SMARCC1: variants seen among roughly 807,000 people sequenced by gnomAD.
The protein encoded by SMARCC1 is SWI/SNF related BAF chromatin remodeling complex subunit C1, also known as SWI/SNF complex subunit SMARCC1.
A neutral mutation model predicts 147.4 loss-of-function variants in SMARCC1; 43 were observed. The ratio of observed to expected loss-of-function variants is 0.29; its 90% CI spans 0.23 to 0.38. SMARCC1 has a LOEUF of 0.38. Among genes scored for constraint, SMARCC1 ranks in the 10% least tolerant of loss-of-function variants. The pLI is 1.00. For synonymous variants in SMARCC1, 495 were observed against 484.4 expected (o/e 1.02, Z -0.29); for missense variants, 1,119 against 1,381.1 (o/e 0.81, Z 3.01).
At chr3:47,719,774 C>T (rs1027283214) in intron 7 of SMARCC1, among the ~76,000 whole-genome samples, 1 of 152,150 alleles carries the variant, frequency 6.6e-6, no homozygotes, top group Non-Finnish European at 1.5e-5. Flanking sequence ...GAGACTCTGT[C>T]ACCAAGGATG....
intron 14 of SMARCC1, among the ~76,000 whole-genome samples, chr3:47,682,383 A>G (rs2033664433): frequency 6.6e-6 from 1 of 152,044 alleles, no homozygotes; most frequent in South Asian, 2.1e-4. Flanking sequence ...AGCTCAGGCA[A>G]TCTTTCTGCC....
intron 9 of SMARCC1, among the ~76,000 whole-genome samples, chr3:47,707,326 A>AT (rs1559650301): frequency 6.6e-6 from 1 of 152,010 alleles, no homozygotes; most frequent in Non-Finnish European, 1.5e-5. Context: ...AAGGAAAAAA[A>AT]AAAAAAGTCA....
In SMARCC1 at chr3:47,626,831, T is replaced by G. The variant is rs375580165; in HGVS notation, c.2647-4490A>C. On this transcript the variant is annotated intron_variant, in intron 24 of 27. Coordinates refer to ENST00000254480, the MANE Select transcript of SMARCC1 (RefSeq NM_003074.4). Reference sequence around the variant, plus strand: ...TCTCTCTGGGAGTCTCAAGTTGCCATGTACAAAGTATGATCACCCTGCTGG... The same window carrying G: ...TCTCTCTGGGAGTCTCAAGTTGCCAGGTACAAAGTATGATCACCCTGCTGG... 7.2e-4 allele frequency among the ~76,000 whole-genome samples: 109 copies of G among 152,244 alleles called. 1 individual carries two copies. The highest frequency in any genetic ancestry group is 2.5e-3 in the African/African-American group (105 of 41,552).
intron 25 of SMARCC1, among the ~76,000 whole-genome samples, chr3:47,621,500 C>G (rs2032731159): frequency 6.6e-6 from 1 of 151,878 alleles, no homozygotes; most frequent in Non-Finnish European, 1.5e-5. Flanking sequence ...AAATTATGTC[C>G]CTTGCACCAC....
intron 3 of SMARCC1, among the ~76,000 whole-genome samples, chr3:47,745,243 C>T (rs751070988): frequency 3.3e-5 from 5 of 151,922 alleles, no homozygotes; most frequent in Admixed American, 1.3e-4. Context: ...GGCGAAAAAG[C>T]GCAACTAAGT....
chr3:47,706,412 T>C lies in SMARCC1; in HGVS notation c.1037A>G (p.Lys346Arg). The change falls in exon 10 of 28, where the codon AAA (lysine) becomes AGA (arginine). Residue 346 changes from lysine to arginine, a missense_variant. Lys to Arg is a conservative substitution (Grantham distance 26). This residue lies in a region of SMARCC1 where 542 missense variants were observed against 611.8 expected (regional missense o/e 0.89). Coordinates refer to ENST00000254480, the MANE Select transcript of SMARCC1 (RefSeq NM_003074.4). ...TGAATCATGTAATAGTTCTTACCCTTTCTTCCCACTCTTCTTCCGTGATTC... is the reference window on the plus strand; with the variant it reads ...TGAATCATGTAATAGTTCTTACCCTCTCTTCCCACTCTTCTTCCGTGATTC... ...PTESRKKSGK[K>R]GQASLYGKRR... The C allele has an allele frequency of 1.3e-6, 2 of 1,566,072 alleles. No homozygotes were observed. Among genetic ancestry groups the C allele is most frequent in the Non-Finnish European group, 1.7e-6 (2 of 1,161,344 alleles).
chr3:47,776,727 A>G (rs920617679), intron 1 of SMARCC1, among the ~76,000 whole-genome samples: 2 of 152,138 alleles, frequency 1.3e-5, no homozygotes, highest in Non-Finnish European at 2.9e-5. Context: ...AGGTAAATAT[A>G]CATATATATG....
chr3:47,665,763 TATA>T (rs1183561279), intron 19 of SMARCC1, among the ~76,000 whole-genome samples: 2 of 152,146 alleles, frequency 1.3e-5, no homozygotes, highest in East Asian at 3.8e-4. Flanking sequence ...GTAAGTATCT[TATA>T]ATGCTACAAA....
intron 19 of SMARCC1, among the ~76,000 whole-genome samples, chr3:47,667,190 C>A (rs924246699): frequency 2.6e-5 from 4 of 151,988 alleles, no homozygotes; most frequent in Admixed American, 2.0e-4. Flanking sequence ...TGGTGGCAGG[C>A]ACCTGTAGTC....
intron 26 of SMARCC1, among the ~76,000 whole-genome samples, chr3:47,596,695 T>G (rs2032288527): frequency 6.6e-6 from 1 of 151,964 alleles, no homozygotes; most frequent in African/African-American, 2.4e-5. Context: ...CCTGTGTAGC[T>G]GGGGTTACAG....
At chr3:47,764,282 T>C (rs2034809488) in intron 2 of SMARCC1, among the ~76,000 whole-genome samples, 1 of 152,158 alleles carries the variant, frequency 6.6e-6, no homozygotes, top group African/African-American at 2.4e-5. Context: ...GTGACCCTCC[T>C]ACTTCAGTCT....
chr3:47,740,850 C>CAAAAAAAA (rs60339024), intron 3 of SMARCC1, among the ~76,000 whole-genome samples: 4 of 77,846 alleles, frequency 5.1e-5, no homozygotes, highest in African/African-American at 1.2e-4. Flanking sequence ...GACTCTGACT[C>CAAAAAAAA]AAAAAAAAAA....
chr3:47,620,161 CATTACAAAA>C (rs1326919553), intron 25 of SMARCC1, among the ~76,000 whole-genome samples: 2 of 152,126 alleles, frequency 1.3e-5, no homozygotes, highest in African/African-American at 4.8e-5. Context: ...CTAGTCAACT[CATTACAAAA>C]ATTTATTTTT....
At chr3:47,590,940 G>C (rs754241448) in intron 26 of SMARCC1, 103 bp from the exon 27 acceptor site, 7 of 966,696 alleles carry the variant, frequency 7.2e-6, no homozygotes, top group African/African-American at 3.4e-5. Flanking sequence ...ACCTTCCAAA[G>C]GATCTGAAAT....
At chr3:47,717,260 A>G (rs923273694) in intron 7 of SMARCC1, among the ~76,000 whole-genome samples, 1 of 152,192 alleles carries the variant, frequency 6.6e-6, no homozygotes, top group African/African-American at 2.4e-5. Context: ...CTAACCTTAG[A>G]TCCGGCTACC....
rs571792127 is a variant in SMARCC1, at chr3:47,729,161, A to G, written c.577-67T>C. 6.9e-5 allele frequency: 65 copies of G among 940,330 alleles called. No homozygotes were observed. The South Asian group carries it at 9.8e-4, about 14-fold the overall frequency. 58.2% of individuals were successfully genotyped at this position (940,330 alleles called of 1,614,324 possible). On this transcript the variant is annotated intron_variant, in intron 5 of 27. Coordinates refer to ENST00000254480, the MANE Select transcript of SMARCC1 (RefSeq NM_003074.4). Reference sequence around the variant, plus strand: ...GGCAATGAACTATGAGATTCCAGATACAAATTCCATACAAATTCTAAAAGC... The same window carrying G: ...GGCAATGAACTATGAGATTCCAGATGCAAATTCCATACAAATTCTAAAAGC...
intron 19 of SMARCC1, among the ~76,000 whole-genome samples, chr3:47,664,143 C>T (rs1335256786): frequency 6.7e-6 from 1 of 149,696 alleles, no homozygotes; most frequent in Non-Finnish European, 1.5e-5. Context: ...CTATTTGTGC[C>T]ACATCTCCCC....
At chr3:47,708,103 T>C (rs918154224) in intron 9 of SMARCC1, among the ~76,000 whole-genome samples, 5 of 120,454 alleles carry the variant, frequency 4.2e-5, no homozygotes, top group African/African-American at 9.6e-5. Flanking sequence ...TTTTTTTTTT[T>C]TTTTTTTTTT....
rs778196612 is a variant in SMARCC1, at chr3:47,743,439, CT to C, written c.401+2468del. Among the ~76,000 whole-genome samples, 97 of 151,206 alleles carry C rather than the reference CT, an allele frequency of 6.4e-4. 7 individuals carry two copies. In the East Asian group the frequency reaches 0.011, roughly 18 times the overall value. ...AGGAAACTGTATTACATATATCTTCCTTTTTTTTTGAGACAAGCCACTGCAC... is the reference window on the plus strand; with the variant it reads ...AGGAAACTGTATTACATATATCTTCCTTTTTTTTGAGACAAGCCACTGCAC... On this transcript the variant is annotated intron_variant, in intron 3 of 27. Transcript: ENST00000254480.
Sources: gnomAD v4.1 joint callset for allele counts (sites outside exome capture counted in the v4.1 genomes callset) on GRCh38, gnomAD v4.1.1 for gene constraint, gnomAD v4.1.1 regional missense constraint, MANE v1.5 for transcripts, NCBI Gene and HGNC (gene_info 2026-07-23, HGNC 2026-07-21) for gene names.